The following OR1S1 variants were observed in gnomAD, a reference collection of about 807,000 sequenced individuals.
OR1S1 encodes the protein olfactory receptor 1S1.
For synonymous variants in OR1S1, 156 were observed against 143.9 expected, an observed-to-expected ratio of 1.08 and a Z score of -0.60; for missense variants, 411 against 367.5, an observed-to-expected ratio of 1.12 and a Z score of -0.97.
chr11:58,215,449 CAG>C lies in OR1S1; in HGVS notation c.669_670del (p.Arg223SerfsTer45). On this transcript the variant is annotated frameshift_variant, in exon 2 of 2. Coordinates refer to ENST00000641544, the Ensembl canonical transcript of OR1S1. LOFTEE classifies it low-confidence loss of function (END_TRUNC). ...GCTTCTTTTCCTATGTCTGCATCAT[CAG>C]AGCTGTCCTGAGAGTATCTTCCACA... 6.2e-7 allele frequency: 1 copy of C among 1,614,176 alleles called. No homozygotes were observed. Among genetic ancestry groups the C allele is most frequent in the Non-Finnish European group, 8.5e-7 (1 of 1,180,008 alleles).
chr11:58,214,829 G>A (rs1406919672), exon 2 of OR1S1: 8 of 1,613,952 alleles, frequency 5.0e-6, no homozygotes, highest in Non-Finnish European at 6.8e-6. Flanking sequence ...CATTCTCCTG[G>A]GATTTTTCAA....
At chr11:58,215,641 C>A (rs1395318289) in exon 2 of OR1S1, 1 of 1,614,058 alleles carries the variant, frequency 6.2e-7, no homozygotes, top group East Asian at 2.2e-5. Flanking sequence ...CCATGATAAA[C>A]CCCTTCATCT....
At chr11:58,214,042 T>C (rs1429851095) in intron 1 of OR1S1, among the ~76,000 whole-genome samples, 1 of 152,192 alleles carries the variant, frequency 6.6e-6, no homozygotes, top group African/African-American at 2.4e-5. Flanking sequence ...ACCACCATCT[T>C]TTCCCTCTAT....
chr11:58,215,827 T>G (rs766647953), exon 2 of OR1S1: 1 of 1,409,084 alleles, frequency 7.1e-7, no homozygotes, highest in Non-Finnish European at 9.6e-7. Context: ...AACTTGCAGG[T>G]ATCTGTCTCC....
intron 1 of OR1S1, among the ~76,000 whole-genome samples, chr11:58,214,495 G>A (rs1056150860): frequency 1.1e-4 from 17 of 152,092 alleles, no homozygotes; most frequent in Non-Finnish European, 2.9e-5. Context: ...CTCAGTTTGC[G>A]GGATTTAAAC....
intron 1 of OR1S1, 21 bp downstream of exon 1, chr11:58,212,858 G>C (rs995289508): frequency 6.6e-6 from 1 of 152,324 alleles, no homozygotes; most frequent in African/African-American, 2.4e-5. Context: ...AGGTAGAACG[G>C]AAAGCAGAGA....
chr11:58,214,612 C>T, intron 1 of OR1S1, 117 bp from the exon 2 acceptor site: 2 of 760,896 alleles, frequency 2.6e-6, no homozygotes, highest in Non-Finnish European at 4.2e-6. Context: ...AGGCATTTTC[C>T]AAATCTCTGC....
At chr11:58,214,620 T>C (rs1194201390) in intron 1 of OR1S1, 109 bp from the exon 2 acceptor site, 8 of 804,344 alleles carry the variant, frequency 9.9e-6, no homozygotes, top group African/African-American at 1.7e-5. Flanking sequence ...TCCAAATCTC[T>C]GCACTGCTGA....
chr11:58,215,405 A>T, exon 2 of OR1S1: 1 of 1,614,062 alleles, frequency 6.2e-7, no homozygotes, highest in Non-Finnish European at 8.5e-7. Context: ...ATCAGTTATC[A>T]TCTTCCCCTT....
chr11:58,214,775 G>T, exon 2 of OR1S1: 1 of 1,613,190 alleles, frequency 6.2e-7, no homozygotes, highest in Non-Finnish European at 8.5e-7. Flanking sequence ...TCTTCAGATC[G>T]GCAGAAATAT....
chr11:58,215,249 G>T (rs751015603), exon 2 of OR1S1: 1 of 1,613,756 alleles, frequency 6.2e-7, no homozygotes, highest in Admixed American at 1.7e-5. Flanking sequence ...TAATATTATT[G>T]CTCTGACACA....
chr11:58,215,164 C>A lies in OR1S1; in HGVS notation c.381C>A (p.Cys127Ter). The change falls in exon 2 of 2, where the codon TGC becomes TGA. Residue 127 changes from cysteine to a stop codon, truncating the protein, a stop_gained. Transcript: ENST00000641544. LOFTEE classifies it low-confidence loss of function (END_TRUNC). ...CCTATGACCACTTTGTGGCGATCTG[C>A]CACCCTCTGAATTATACAATTCTCA... 1 of 1,614,120 alleles carries A rather than the reference C, an allele frequency of 6.2e-7. No individual in the cohort carries two copies. The highest frequency in any genetic ancestry group is 1.1e-5 in the South Asian group (1 of 91,068).
At chr11:58,214,513 A>G (rs1381155083) in intron 1 of OR1S1, among the ~76,000 whole-genome samples, 1 of 152,228 alleles carries the variant, frequency 6.6e-6, no homozygotes, top group Non-Finnish European at 1.5e-5. Context: ...AACTACATTT[A>G]GAACCAACTG....
At chr11:58,214,542 T>C (rs1590642762) in intron 1 of OR1S1, among the ~76,000 whole-genome samples, 187 bp from the exon 2 acceptor site, 2 of 152,226 alleles carry the variant, frequency 1.3e-5, no homozygotes, top group African/African-American at 4.8e-5. Context: ...ACATTCAGAA[T>C]CCTGTTAGAG....
chr11:58,215,629 A>G (rs1396610616), exon 2 of OR1S1: 2 of 1,613,958 alleles, frequency 1.2e-6, no homozygotes, highest in Non-Finnish European at 1.7e-6. Context: ...CTGTGGTGAC[A>G]CCCATGATAA....
At position 58,214,855 on chromosome 11, in the gene OR1S1, A is replaced by G. The variant is rs778151720; in HGVS notation, c.72A>G (p.Gln24=). 36 of 1,613,976 alleles carry G rather than the reference A, an allele frequency of 2.2e-5. No homozygotes were observed. In the Admixed American group the frequency reaches 5.2e-4, roughly 23 times the overall value. The change falls in exon 2 of 2, where the codon CAA becomes CAG. Residue 24 remains glutamine (Q), a synonymous_variant. Coordinates refer to ENST00000641544, the Ensembl canonical transcript of OR1S1. ...GATTTTTCAAGCAGGATGAGCATCA[A>G]AACCTCCTCTTTGTGCTTTTCTTGG...
chr11:58,215,065 T>C, exon 2 of OR1S1: 1 of 1,614,140 alleles, frequency 6.2e-7, no homozygotes, highest in Non-Finnish European at 8.5e-7. Flanking sequence ...CCATCTCTTA[T>C]GAGAGCTGCA....
intron 1 of OR1S1, among the ~76,000 whole-genome samples, chr11:58,214,293 C>T (rs1270099909): frequency 2.6e-5 from 4 of 152,202 alleles, no homozygotes; most frequent in Non-Finnish European, 2.9e-5. Context: ...CAATGGTGTA[C>T]ACTGCCATAG....
At position 58,214,928 on chromosome 11, in the gene OR1S1, A is replaced by G. The variant is rs780042508; in HGVS notation, c.145A>G (p.Ile49Val). The stretch of plus-strand genomic sequence containing the variant: ...TGGGAACGGGCTCATCATTGTGGCT[A>G]TCAGCTTGGATACGTACCTTCATAC... Residue 49 changes from isoleucine to valine, a missense_variant, in exon 2 of 2, where the codon ATC (isoleucine) becomes GTC (valine). Ile to Val is a conservative substitution (Grantham distance 29). Coordinates refer to ENST00000641544, the Ensembl canonical transcript of OR1S1. 13 of 1,613,988 alleles carry G rather than the reference A, an allele frequency of 8.1e-6. No homozygotes were observed. The African/African-American group carries it at 1.6e-4, about 20-fold the overall frequency.
Sources: gnomAD v4.1 joint callset for allele counts (sites outside exome capture counted in the v4.1 genomes callset) on GRCh38, gnomAD v4.1.1 for gene constraint, MANE v1.5 for transcripts, NCBI Gene and HGNC (gene_info 2026-07-23, HGNC 2026-07-21) for gene names.